The following MAPKAP1 variants were observed in gnomAD, a reference collection of about 807,000 sequenced individuals.
The protein encoded by MAPKAP1 is MAPK associated protein 1, also known as target of rapamycin complex 2 subunit MAPKAP1.
A neutral mutation model predicts 65.7 loss-of-function variants in MAPKAP1; 20 were observed. That is an observed-to-expected ratio of 0.30 (90% confidence interval 0.21 to 0.44). The LOEUF (loss-of-function observed/expected upper bound fraction) is 0.44. Ranked by LOEUF, MAPKAP1 falls within the 20% of genes least tolerant of loss-of-function variation. MAPKAP1 has a pLI of 1.00. For synonymous variants in MAPKAP1, 222 were observed against 244.3 expected, an observed-to-expected ratio of 0.91 and a Z score of 0.85; for missense variants, 423 against 648.0, an observed-to-expected ratio of 0.65 and a Z score of 3.77.
At chr9:125,460,403 G>C (rs1484928311) in intron 10 of MAPKAP1, among the ~76,000 whole-genome samples, 1 of 151,902 alleles carries the variant, frequency 6.6e-6, no homozygotes, top group African/African-American at 2.4e-5. Flanking sequence ...TTATTAATAC[G>C]TCCGAGGGAA....
chr9:125,678,885 C>T (rs1461366463), intron 1 of MAPKAP1, among the ~76,000 whole-genome samples: 1 of 152,094 alleles, frequency 6.6e-6, no homozygotes, highest in East Asian at 1.9e-4. Flanking sequence ...TTGCCCAAAG[C>T]CAGACAGCTA....
At chr9:125,603,167 C>G (rs1832351601) in intron 4 of MAPKAP1, among the ~76,000 whole-genome samples, 1 of 152,078 alleles carries the variant, frequency 6.6e-6, no homozygotes, top group African/African-American at 2.4e-5. Flanking sequence ...CTTTGGCACT[C>G]CAACATGTTA....
At chr9:125,508,738 C>T (rs1335855833) in intron 7 of MAPKAP1, among the ~76,000 whole-genome samples, 1 of 151,948 alleles carries the variant, frequency 6.6e-6, no homozygotes, top group East Asian at 1.9e-4. Context: ...GCCTGTAGTC[C>T]CAGCTACTGG....
At chr9:125,529,240 C>A (rs563659865) in intron 7 of MAPKAP1, among the ~76,000 whole-genome samples, 1 of 150,570 alleles carries the variant, frequency 6.6e-6, no homozygotes, top group Non-Finnish European at 1.5e-5. Flanking sequence ...CTAACAAAAG[C>A]CAGAGCAAGA....
At chr9:125,593,724 A>G (rs1055886573) in intron 4 of MAPKAP1, among the ~76,000 whole-genome samples, 1 of 152,254 alleles carries the variant, frequency 6.6e-6, no homozygotes, top group African/African-American at 2.4e-5. Context: ...GTTGAACAAC[A>G]TTCTCCAGAG....
At position 125,502,722 on chromosome 9, in the gene MAPKAP1, T is replaced by A. The variant is rs554856490; in HGVS notation, c.1066+3588A>T. Among the ~76,000 whole-genome samples, 15 of 152,324 alleles carry A rather than the reference T, an allele frequency of 9.8e-5. 2 individuals are homozygous for A. Among genetic ancestry groups the A allele is most frequent in the African/African-American group, 3.6e-4 (15 of 41,572 alleles). Reference sequence around the variant, plus strand: ...TTAGCATATGGTCAATATTGGTAAATGTTCATGTGTGATTGCAAGAAATAC... The same window carrying A: ...TTAGCATATGGTCAATATTGGTAAAAGTTCATGTGTGATTGCAAGAAATAC... On this transcript the variant is annotated intron_variant, in intron 8 of 11. Coordinates refer to ENST00000265960, the MANE Select transcript of MAPKAP1 (RefSeq NM_001006617.3).
chr9:125,449,217 T>C (rs1260375039), intron 10 of MAPKAP1, among the ~76,000 whole-genome samples: 1 of 152,158 alleles, frequency 6.6e-6, no homozygotes, highest in Non-Finnish European at 1.5e-5. Flanking sequence ...CTCTGCCATG[T>C]TTCAGCTGTG....
At chr9:125,444,717 T>A (rs2132927849) in intron 10 of MAPKAP1, 119 bp from the exon 11 acceptor site, 1 of 660,690 alleles carries the variant, frequency 1.5e-6, no homozygotes, top group East Asian at 2.8e-5. Flanking sequence ...GAGCAGCACC[T>A]AGTCTTCCCA....
intron 1 of MAPKAP1, among the ~76,000 whole-genome samples, chr9:125,690,777 G>A (rs1182321805): frequency 1.3e-5 from 2 of 152,194 alleles, no homozygotes; most frequent in African/African-American, 2.4e-5. Flanking sequence ...GCAAGAAACA[G>A]CAGAACAACA....
intron 8 of MAPKAP1, 72 bp from the exon 9 acceptor site, chr9:125,484,655 T>C: frequency 6.9e-7 from 1 of 1,452,252 alleles, no homozygotes; most frequent in Admixed American, 2.2e-5. Context: ...TTAAAATGCT[T>C]TGGGATAAAT....
intron 6 of MAPKAP1, among the ~76,000 whole-genome samples, chr9:125,558,346 G>A (rs554729274): frequency 6.6e-6 from 1 of 152,162 alleles, no homozygotes; most frequent in African/African-American, 2.4e-5. Flanking sequence ...AAATGAAAAA[G>A]CAGGAAAAAA....
rs748672553 is a variant in MAPKAP1, at chr9:125,438,288, C to T, written c.*599G>A. The stretch of plus-strand genomic sequence containing the variant: ...CTAACTTTTAGTAAGACACTACCCT[C>T]GAAGCAAATGCACTCATTTAAACAA... On this transcript the variant is annotated 3_prime_UTR_variant, in exon 12 of 12. Coordinates refer to ENST00000265960, the MANE Select transcript of MAPKAP1 (RefSeq NM_001006617.3). The T allele has an allele frequency of 1.7e-4, 66 of 398,258 alleles. No homozygotes were observed. Among genetic ancestry groups the T allele is most frequent in the Non-Finnish European group, 2.3e-4 (53 of 225,996 alleles). The allele number at this position is 398,258 out of a possible 1,614,324, so 24.7% of individuals were successfully genotyped here. A position where few individuals can be genotyped will look rare whatever the true frequency, so the allele number is the denominator to read the frequency against.
chr9:125,530,928 G>A (rs533139923), intron 7 of MAPKAP1, among the ~76,000 whole-genome samples: 196 of 152,314 alleles, frequency 1.3e-3, no homozygotes, highest in Admixed American at 2.2e-3. Context: ...CGCCTACTAT[G>A]GACTAAGTGT....
At chr9:125,585,264 A>G (rs1831745144) in intron 5 of MAPKAP1, among the ~76,000 whole-genome samples, 1 of 152,210 alleles carries the variant, frequency 6.6e-6, no homozygotes, top group Non-Finnish European at 1.5e-5. Context: ...CTCAACAAAC[A>G]TCAATCCCCT....
At chr9:125,523,757 T>C (rs533379817) in intron 7 of MAPKAP1, among the ~76,000 whole-genome samples, 18 of 152,352 alleles carry the variant, frequency 1.2e-4, no homozygotes, top group South Asian at 6.2e-4. Context: ...GATCTAACCC[T>C]GGATAAGCTG....
intron 1 of MAPKAP1, among the ~76,000 whole-genome samples, chr9:125,687,884 G>A (rs1835032045): frequency 6.6e-6 from 1 of 152,090 alleles, no homozygotes; most frequent in African/African-American, 2.4e-5. Flanking sequence ...TATCTTTTTG[G>A]AAGGAAAATA....
At position 125,518,723 on chromosome 9, in the gene MAPKAP1, T is replaced by TAAGA. The variant is rs1829535203; in HGVS notation, c.959-12307_959-12306insTCTT. ...ATGGGAAGAATTCTATGATACATTA[T>TAAGA]TAAATTTATAAGATATAGAATGTAC... On this transcript the variant is annotated intron_variant, in intron 7 of 11. Transcript: ENST00000265960. 9.9e-5 allele frequency among the ~76,000 whole-genome samples: 15 copies of TAAGA among 152,212 alleles called. 1 individual carries two copies. The highest frequency in any genetic ancestry group is 3.9e-4 in the Admixed American group (6 of 15,286).
intron 6 of MAPKAP1, among the ~76,000 whole-genome samples, chr9:125,552,205 A>G (rs1443145209): frequency 6.6e-6 from 1 of 152,246 alleles, no homozygotes; most frequent in Non-Finnish European, 1.5e-5. Flanking sequence ...ATTTGTTAAA[A>G]GAGGCAGTTT....
chr9:125,699,033 C>T (rs1835518132), intron 1 of MAPKAP1, among the ~76,000 whole-genome samples: 1 of 152,066 alleles, frequency 6.6e-6, no homozygotes, highest in African/African-American at 2.4e-5. Context: ...GGTTGGCATC[C>T]CTTATCTAAA....
Sources: allele counts gnomAD v4.1 joint callset (sites outside exome capture counted in the v4.1 genomes callset), GRCh38; gene constraint gnomAD v4.1.1; transcripts MANE v1.5; gene names NCBI Gene and HGNC (gene_info 2026-07-23, HGNC 2026-07-21).